The following LRMDA variants were observed in gnomAD, a reference collection of about 807,000 sequenced individuals.
LRMDA encodes the protein leucine rich melanocyte differentiation associated.
LRMDA carries 18 observed loss-of-function variants against 29.8 expected under a neutral mutation model. The observed-to-expected ratio is 0.60, with a 90% confidence interval of 0.42 to 0.90. The LOEUF (loss-of-function observed/expected upper bound fraction) is 0.90. Among genes scored for constraint, LRMDA ranks in the 40% least tolerant of loss-of-function variants. LRMDA has a pLI of 0.00. For synonymous variants in LRMDA, 125 were observed against 109.4 expected (o/e 1.14, Z -0.89); for missense variants, 273 against 273.9 (o/e 1.00, Z 0.02).
chr10:76,133,652 T>C (rs1382510828), intron 5 of LRMDA, among the ~76,000 whole-genome samples: 2 of 152,216 alleles, frequency 1.3e-5, no homozygotes. Context: ...TGACAGCAGA[T>C]TTAATTCTTC....
chr10:75,603,942 A>G (rs184867269), intron 2 of LRMDA, among the ~76,000 whole-genome samples: 34 of 152,346 alleles, frequency 2.2e-4, no homozygotes, highest in Middle Eastern at 3.4e-3. Flanking sequence ...AAATCTAGCC[A>G]TGAACTGTTA....
intron 5 of LRMDA, among the ~76,000 whole-genome samples, chr10:76,309,953 C>G (rs954490849): frequency 6.6e-6 from 1 of 152,166 alleles, no homozygotes; most frequent in South Asian, 2.1e-4. Context: ...CTTCCTAATG[C>G]GATTAATCAA....
chr10:76,330,682 TG>T (rs1159671381), intron 6 of LRMDA, among the ~76,000 whole-genome samples: 3 of 152,178 alleles, frequency 2.0e-5, no homozygotes, highest in African/African-American at 7.2e-5. Context: ...CAGTGTCTTT[TG>T]TTTCAAAGCA....
intron 2 of LRMDA, among the ~76,000 whole-genome samples, chr10:75,698,609 C>A (rs1842267847): frequency 8.3e-6 from 1 of 120,202 alleles, no homozygotes; most frequent in South Asian, 2.4e-4. Flanking sequence ...CATAGTGACA[C>A]CTTCACCTCT....
intron 2 of LRMDA, among the ~76,000 whole-genome samples, chr10:76,020,560 C>T (rs927244916): frequency 6.6e-6 from 1 of 152,158 alleles, no homozygotes; most frequent in Non-Finnish European, 1.5e-5. Flanking sequence ...GTGCAGGCCC[C>T]TCACTCTAAG....
chr10:75,508,685 A>G (rs1190894047), intron 2 of LRMDA, among the ~76,000 whole-genome samples: 1 of 152,188 alleles, frequency 6.6e-6, no homozygotes, highest in Non-Finnish European at 1.5e-5. Flanking sequence ...TTGAATTCCT[A>G]CAGTGTGTGC....
chr10:75,862,058 A>G (rs752294009), intron 2 of LRMDA, among the ~76,000 whole-genome samples: 1 of 152,166 alleles, frequency 6.6e-6, no homozygotes, highest in Non-Finnish European at 1.5e-5. Flanking sequence ...GAGGGGCCTC[A>G]AATGAGACCA....
chr10:76,432,665 G>A (rs957087239), intron 6 of LRMDA, among the ~76,000 whole-genome samples: 19 of 152,186 alleles, frequency 1.2e-4, no homozygotes, highest in Admixed American at 9.2e-4. Flanking sequence ...ACAACAGAAG[G>A]TTCAAGCATC....
At chr10:76,249,638 G>T (rs1193612795) in intron 5 of LRMDA, among the ~76,000 whole-genome samples, 3 of 152,158 alleles carry the variant, frequency 2.0e-5, no homozygotes, top group East Asian at 3.8e-4. Context: ...TAAAGAAACA[G>T]AAAATATTGC....
At chr10:75,621,066 A>G (rs1378346343) in intron 2 of LRMDA, among the ~76,000 whole-genome samples, 1 of 152,166 alleles carries the variant, frequency 6.6e-6, no homozygotes, top group Admixed American at 6.5e-5. Flanking sequence ...TAGCTCCCAC[A>G]TATGAGTGAG....
At position 75,593,065 on chromosome 10, in the gene LRMDA, C is replaced by T. The variant is rs572298560; in HGVS notation, c.131+154571C>T. On this transcript the variant is annotated intron_variant, in intron 2 of 6. Transcript: ENST00000611255. ...AGCCGGCCAGTTGAGCACTTTGAAA[C>T]ACATTGTCAAAAAACGGAATGATGT... Among the ~76,000 whole-genome samples, 4 of 152,292 alleles carry T rather than the reference C, an allele frequency of 2.6e-5. No homozygotes were observed. In the South Asian group the frequency reaches 8.3e-4, roughly 32 times the overall value.
intron 5 of LRMDA, among the ~76,000 whole-genome samples, chr10:76,182,657 C>T (rs996315967): frequency 1.3e-5 from 2 of 152,082 alleles, no homozygotes; most frequent in African/African-American, 4.8e-5. Flanking sequence ...AGACAGGGTA[C>T]ATGGAAAAAT....
At chr10:76,400,602 A>G (rs1241934524) in intron 6 of LRMDA, among the ~76,000 whole-genome samples, 1 of 152,110 alleles carries the variant, frequency 6.6e-6, no homozygotes, top group Non-Finnish European at 1.5e-5. Context: ...GAGCACAATT[A>G]CCTCTGTACT....
At chr10:76,376,805 T>G (rs747947866) in intron 6 of LRMDA, among the ~76,000 whole-genome samples, 3 of 150,098 alleles carry the variant, frequency 2.0e-5, no homozygotes, top group Non-Finnish European at 4.5e-5. Flanking sequence ...TTAATTTACA[T>G]TTCTCTGATG....
intron 5 of LRMDA, among the ~76,000 whole-genome samples, chr10:76,161,664 C>T (rs1850650106): frequency 6.6e-6 from 1 of 152,166 alleles, no homozygotes; most frequent in African/African-American, 2.4e-5. Flanking sequence ...TGTTGATGAA[C>T]AGAAAGGGTC....
At chr10:75,839,853 C>T (rs568156043) in intron 2 of LRMDA, among the ~76,000 whole-genome samples, 61 of 151,956 alleles carry the variant, frequency 4.0e-4, no homozygotes, top group African/African-American at 4.8e-4. Flanking sequence ...GGACTACAGG[C>T]GCCCGCCACC....
At chr10:75,576,119 C>A (rs1840503186) in intron 2 of LRMDA, among the ~76,000 whole-genome samples, 1 of 152,190 alleles carries the variant, frequency 6.6e-6, no homozygotes, top group African/African-American at 2.4e-5. Flanking sequence ...GATCCACTGG[C>A]TTGAAATTCT....
intron 5 of LRMDA, among the ~76,000 whole-genome samples, chr10:76,233,515 CG>C (rs976674848): frequency 2.0e-4 from 30 of 152,116 alleles, no homozygotes; most frequent in South Asian, 2.1e-4. Context: ...GATTGACTCA[CG>C]AAAGATTTCT....
At chr10:76,115,559 G>C (rs964684545) in intron 5 of LRMDA, among the ~76,000 whole-genome samples, 1 of 152,244 alleles carries the variant, frequency 6.6e-6, no homozygotes, top group Admixed American at 6.5e-5. Flanking sequence ...GAGGTGCAGG[G>C]AGACAGGGAG....
Sources: gnomAD v4.1 joint callset for allele counts (sites outside exome capture counted in the v4.1 genomes callset) on GRCh38, gnomAD v4.1.1 for gene constraint, MANE v1.5 for transcripts, NCBI Gene and HGNC (gene_info 2026-07-23, HGNC 2026-07-21) for gene names.